Variants in RAB11FIP1 observed in about 807,000 individuals in gnomAD.
RAB11FIP1 encodes the protein rab11 family-interacting protein 1.
A neutral mutation model predicts 83.1 loss-of-function variants in RAB11FIP1; 49 were observed. That is an observed-to-expected ratio of 0.59 (90% CI 0.47 to 0.75). The LOEUF (loss-of-function observed/expected upper bound fraction) is 0.75. Ranked by LOEUF, RAB11FIP1 falls within the 30% of genes least tolerant of loss-of-function variation. The pLI is 0.00. For synonymous variants in RAB11FIP1, 670 were observed against 656.0 expected (o/e 1.02, Z -0.33); for missense variants, 1,536 against 1,598.7 (o/e 0.96, Z 0.67).
Position 37,870,466 on chromosome 8 carries a change from G to T in RAB11FIP1, c.3587C>A (p.Thr1196Asn). 6.2e-7 allele frequency: 1 copy of T among 1,611,892 alleles called. No individual in the cohort carries two copies. The highest frequency in any genetic ancestry group is 8.5e-7 in the Non-Finnish European group (1 of 1,178,174). Reference sequence around the variant, plus strand: ...CAAGTTCTCACTGATGATGGTGGCAGTTCCCAAGCTGCAGTTAGCAACCTT... The same window carrying T: ...CAAGTTCTCACTGATGATGGTGGCATTTCCCAAGCTGCAGTTAGCAACCTT... ...ATKVANCSLGTATIISENLNN... is the reference protein window; with the variant it reads ...ATKVANCSLGNATIISENLNN... Residue 1196 changes from threonine to asparagine, a missense_variant, in exon 5 of 6, where the codon ACT becomes AAT. Physicochemically the swap from Thr to Asn is moderately conservative, Grantham distance 65. Transcript: ENST00000330843.
intron 1 of RAB11FIP1, among the ~76,000 whole-genome samples, chr8:37,882,160 C>T (rs181605760): frequency 5.3e-4 from 81 of 152,286 alleles, no homozygotes; most frequent in Admixed American, 1.2e-3. Flanking sequence ...CTTCTATTAG[C>T]CCTCCACGGG....
intron 1 of RAB11FIP1, among the ~76,000 whole-genome samples, chr8:37,890,507 A>G (rs1373527274): frequency 6.6e-6 from 1 of 152,144 alleles, no homozygotes; most frequent in Non-Finnish European, 1.5e-5. Flanking sequence ...TGGAGACTAA[A>G]GCCCTTGATT....
In RAB11FIP1 at chr8:37,877,445, G is replaced by A; in HGVS notation, c.478C>T (p.Leu160Phe). 6.2e-7 allele frequency: 1 copy of A among 1,613,976 alleles called. No homozygotes were observed. Among genetic ancestry groups the A allele is most frequent in the East Asian group, 2.2e-5 (1 of 44,882 alleles). ...RNNMTASMFD[L>F]SMKDKSRNPF... is the part of the protein sequence containing the mutation. ...TTCCGAGACTTGTCTTTCATAGAAAGGTCAAACATGCTGGCAGTCATGTTG... is the reference window on the plus strand; with the variant it reads ...TTCCGAGACTTGTCTTTCATAGAAAAGTCAAACATGCTGGCAGTCATGTTG... Residue 160 changes from leucine to phenylalanine, a missense_variant, in exon 2 of 6, where the codon CTT becomes TTT. Leu to Phe is a conservative substitution (Grantham distance 22, BLOSUM62 0). Transcript: ENST00000330843.
chr8:37,864,647 C>T (rs574201677), intron 5 of RAB11FIP1, among the ~76,000 whole-genome samples: 4 of 152,278 alleles, frequency 2.6e-5, no homozygotes, highest in Admixed American at 2.0e-4. Flanking sequence ...AAGATGATGG[C>T]GGTACTAACT....
At chr8:37,867,233 T>C (rs1806357869) in intron 5 of RAB11FIP1, among the ~76,000 whole-genome samples, 1 of 152,234 alleles carries the variant, frequency 6.6e-6, no homozygotes, top group African/African-American at 2.4e-5. Flanking sequence ...TAAATATCAT[T>C]AATTCCAGGA....
chr8:37,890,314 A>G (rs906295068), intron 1 of RAB11FIP1, among the ~76,000 whole-genome samples: 6 of 152,186 alleles, frequency 3.9e-5, no homozygotes, highest in African/African-American at 1.4e-4. Context: ...CCTAGACGCT[A>G]GCCATGTCCT....
chr8:37,898,548 G>A (rs1455237337), intron 1 of RAB11FIP1, among the ~76,000 whole-genome samples: 1 of 151,968 alleles, frequency 6.6e-6, no homozygotes, highest in Non-Finnish European at 1.5e-5. Context: ...AGCTACTCGG[G>A]AGGCTCAGGC....
At chr8:37,878,758 G>T (rs1237661331) in intron 1 of RAB11FIP1, among the ~76,000 whole-genome samples, 1 of 150,696 alleles carries the variant, frequency 6.6e-6, no homozygotes, top group African/African-American at 2.4e-5. Flanking sequence ...CCAGAGATTT[G>T]GGAGCCTGAG....
At position 37,883,650 on chromosome 8, in the gene RAB11FIP1, G is replaced by A. The variant is rs150576526; in HGVS notation, c.372-6099C>T. 1.1e-3 allele frequency among the ~76,000 whole-genome samples: 174 copies of A among 152,316 alleles called. 1 individual carries two copies. Among genetic ancestry groups the A allele is most frequent in the Non-Finnish European group, 2.2e-3 (148 of 68,026 alleles). ...GATTTTTATATTTAAGATCAACCCA[G>A]TTTCTAAGTGTTACTGCCCATGTGT... On this transcript the variant is annotated intron_variant, in intron 1 of 5. Coordinates refer to ENST00000330843, the MANE Select transcript of RAB11FIP1 (RefSeq NM_001002814.3).
At chr8:37,894,001 T>A (rs1485484114) in intron 1 of RAB11FIP1, among the ~76,000 whole-genome samples, 1 of 152,198 alleles carries the variant, frequency 6.6e-6, no homozygotes, top group Non-Finnish European at 1.5e-5. Flanking sequence ...TTAGGGTTGT[T>A]TATTCTAGAA....
Position 37,877,148 on chromosome 8 carries a change from C to T in RAB11FIP1, c.775G>A (p.Glu259Lys). Residue 259 changes from glutamate to lysine, a missense_variant, in exon 2 of 6, where the codon GAA becomes AAA. Coordinates refer to ENST00000330843, the MANE Select transcript of RAB11FIP1 (RefSeq NM_001002814.3). ...GAGGACTCATCCTCATTGTCATCTT[C>T]ATCCCACTGGGACTGAAAGTCTCCG... The part of the protein sequence containing the change: ...RPGDFQSQWD[E>K]DDNEDESSSA... 6.2e-7 allele frequency: 1 copy of T among 1,614,102 alleles called. No homozygotes were observed. Among genetic ancestry groups the T allele is most frequent in the South Asian group, 1.1e-5 (1 of 91,078 alleles).
chr8:37,884,027 T>C (rs1387697088), intron 1 of RAB11FIP1, among the ~76,000 whole-genome samples: 4 of 152,000 alleles, frequency 2.6e-5, no homozygotes, highest in African/African-American at 7.3e-5. Context: ...TCTGGATATG[T>C]AGAAAGTGAC....
At position 37,859,379 on chromosome 8, in the gene RAB11FIP1, T is replaced by C. The variant is rs2130112136; in HGVS notation, c.*3516A>G. 1 of 152,360 alleles carries C rather than the reference T, an allele frequency of 6.6e-6. No individual in the cohort carries two copies. Among genetic ancestry groups the C allele is most frequent in the East Asian group, 1.9e-4 (1 of 5,186 alleles). The allele number at this position is 152,360 out of a possible 1,614,324, so 9.4% of individuals were successfully genotyped here. On this transcript the variant is annotated 3_prime_UTR_variant, in exon 6 of 6. Transcript: ENST00000330843. ...TCCCTCTGCCCCGTTGAGCTCCCACTGTTAGCAAAACTGAGAAGCACATGC... is the reference window on the plus strand; with the variant it reads ...TCCCTCTGCCCCGTTGAGCTCCCACCGTTAGCAAAACTGAGAAGCACATGC...
At chr8:37,873,965 T>A (rs749842146) in intron 3 of RAB11FIP1, among the ~76,000 whole-genome samples, 3 of 151,920 alleles carry the variant, frequency 2.0e-5, no homozygotes, top group Non-Finnish European at 4.4e-5. Context: ...TCAGTATGAA[T>A]GTGATCACAC....
Position 37,862,778 on chromosome 8 carries a change from T to G in RAB11FIP1, c.*117A>C, listed in dbSNP as rs1585424898. The G allele has an allele frequency of 2.7e-6, 2 of 727,348 alleles. No homozygotes were observed. The highest frequency in any genetic ancestry group is 4.7e-6 in the Non-Finnish European group (2 of 424,924). The allele number at this position is 727,348 out of a possible 1,614,324, so 45.1% of individuals were successfully genotyped here. A position where few individuals can be genotyped will look rare whatever the true frequency, so the allele number is the denominator to read the frequency against. ...GAATTCACTCTTGCCGGATAACATG[T>G]GAGGGAGATGGTGATTCGGAGCCTG... On this transcript the variant is annotated 3_prime_UTR_variant, in exon 6 of 6. Coordinates refer to ENST00000330843, the MANE Select transcript of RAB11FIP1 (RefSeq NM_001002814.3).
intron 5 of RAB11FIP1, among the ~76,000 whole-genome samples, chr8:37,866,370 T>C (rs1806342387): frequency 6.6e-6 from 1 of 151,606 alleles, no homozygotes; most frequent in Admixed American, 6.6e-5. Flanking sequence ...GCCAGCATCA[T>C]AAAAAGTGAG....
intron 1 of RAB11FIP1, among the ~76,000 whole-genome samples, chr8:37,887,970 A>C (rs1563374105): frequency 6.6e-6 from 1 of 152,250 alleles, no homozygotes; most frequent in African/African-American, 2.4e-5. Flanking sequence ...TTAGGATTTT[A>C]ACAGTTTTGA....
intron 1 of RAB11FIP1, 44 bp from the exon 2 acceptor site, chr8:37,877,595 C>T (rs576244114): frequency 1.5e-5 from 19 of 1,295,616 alleles, no homozygotes; most frequent in Non-Finnish European, 2.0e-5. Flanking sequence ...ATGGAAGCAA[C>T]TGCAACAATG....
intron 1 of RAB11FIP1, among the ~76,000 whole-genome samples, chr8:37,898,621 G>A (rs1374278323): frequency 1.5e-5 from 2 of 133,406 alleles, no homozygotes; most frequent in Non-Finnish European, 3.1e-5. Context: ...CCACTGCACT[G>A]CAGCCTGGCG....
Sources: gnomAD v4.1 joint callset for allele counts (sites outside exome capture counted in the v4.1 genomes callset) on GRCh38, gnomAD v4.1.1 for gene constraint, MANE v1.5 for transcripts, NCBI Gene and HGNC (gene_info 2026-07-23, HGNC 2026-07-21) for gene names.